Variants in NFIA observed in about 807,000 individuals in gnomAD.
The protein encoded by NFIA is nuclear factor 1 A-type.
A neutral mutation model predicts 62.8 loss-of-function variants in NFIA; 8 were observed. That is an observed-to-expected ratio of 0.13 (90% CI 0.07 to 0.23). The LOEUF is 0.23. NFIA is among the 10% of genes least tolerant of loss of function. The probability of loss-of-function intolerance (pLI) is 1.00; values close to 1 mark genes in which losing one functional copy is unlikely to be tolerated. For synonymous variants in NFIA, 235 were observed against 238.1 expected, an observed-to-expected ratio of 0.99 and a Z score of 0.12; for missense variants, 410 against 642.1, an observed-to-expected ratio of 0.64 and a Z score of 3.91.
intron 4 of NFIA, among the ~76,000 whole-genome samples, chr1:61,350,310 T>G (rs922815149): frequency 2.9e-4 from 44 of 152,114 alleles, no homozygotes; most frequent in Admixed American, 1.0e-3. Context: ...ATCTGCTGAA[T>G]TCAAATTTAT....
intron 2 of NFIA, among the ~76,000 whole-genome samples, chr1:61,228,138 G>C (rs924531613): frequency 4.6e-5 from 7 of 152,122 alleles, no homozygotes; most frequent in African/African-American, 1.7e-4. Flanking sequence ...CACTATTTCT[G>C]AAGGTTTTTT....
At chr1:61,343,712 A>G (rs890465070) in intron 4 of NFIA, among the ~76,000 whole-genome samples, 2 of 152,248 alleles carry the variant, frequency 1.3e-5, no homozygotes, top group African/African-American at 4.8e-5. Flanking sequence ...ACAGGAGATC[A>G]GCACAGGGTT....
At chr1:61,173,663 T>A (rs1650126102) in intron 2 of NFIA, among the ~76,000 whole-genome samples, 2 of 152,170 alleles carry the variant, frequency 1.3e-5, no homozygotes, top group Admixed American at 1.3e-4. Flanking sequence ...GTGCTGGGAT[T>A]ATAGATGTGA....
intron 10 of NFIA, among the ~76,000 whole-genome samples, chr1:61,434,933 G>A (rs1667263154): frequency 6.6e-6 from 1 of 152,172 alleles, no homozygotes. Flanking sequence ...GACAGAAAAT[G>A]ATGTCAGGAA....
chr1:61,121,457 G>T (rs1646885968), intron 2 of NFIA, among the ~76,000 whole-genome samples: 1 of 152,068 alleles, frequency 6.6e-6, no homozygotes, highest in Admixed American at 6.6e-5. Flanking sequence ...AGAGTTATAG[G>T]TTTTAAAAAA....
At chr1:61,154,195 G>A (rs1345158756) in intron 2 of NFIA, among the ~76,000 whole-genome samples, 1 of 151,876 alleles carries the variant, frequency 6.6e-6, no homozygotes, top group Non-Finnish European at 1.5e-5. Context: ...CGTCTCCCAG[G>A]CTTGAGTGCG....
At chr1:61,267,381 C>G (rs1417209132) in intron 2 of NFIA, among the ~76,000 whole-genome samples, 2 of 151,978 alleles carry the variant, frequency 1.3e-5, no homozygotes, top group African/African-American at 2.4e-5. Context: ...GTGGTGGCAG[C>G]ACCTGTAATC....
intron 3 of NFIA, among the ~76,000 whole-genome samples, chr1:61,327,082 T>C (rs1218838661): frequency 6.7e-6 from 1 of 148,370 alleles, no homozygotes; most frequent in Non-Finnish European, 1.5e-5. Context: ...GATATGTATA[T>C]ATCTACTTAT....
intron 2 of NFIA, among the ~76,000 whole-genome samples, chr1:61,103,371 C>T (rs965508681): frequency 6.6e-6 from 1 of 152,208 alleles, no homozygotes; most frequent in Admixed American, 6.5e-5. Context: ...ATCATTTCCT[C>T]AAGGAAGCTT....
At chr1:61,082,098 G>C (rs558907350), upstream of NFIA, 6 of 1,456,648 alleles carry the variant, frequency 4.1e-6, no homozygotes, top group Non-Finnish European at 3.7e-6. Context: ...AGGAAAAGTA[G>C]TTTTGTTTGC....
intron 2 of NFIA, among the ~76,000 whole-genome samples, chr1:61,200,901 T>C (rs529471590): frequency 6.6e-6 from 1 of 152,344 alleles, no homozygotes; most frequent in Non-Finnish European, 1.5e-5. Context: ...GTAGACAAGT[T>C]ATTTACACAT....
At chr1:61,421,963 T>C (rs1470900688) in intron 9 of NFIA, among the ~76,000 whole-genome samples, 1 of 152,200 alleles carries the variant, frequency 6.6e-6, no homozygotes, top group African/African-American at 2.4e-5. Flanking sequence ...TATTTTTATC[T>C]TAAAGAAACA....
intron 9 of NFIA, among the ~76,000 whole-genome samples, chr1:61,415,855 A>G (rs1187425809): frequency 2.6e-5 from 4 of 152,170 alleles, no homozygotes; most frequent in Non-Finnish European, 5.9e-5. Flanking sequence ...ATACATGGCT[A>G]GGGCATATGA....
chr1:61,403,966 A>G, intron 7 of NFIA, 138 bp from the exon 8 acceptor site: 2 of 962,832 alleles, frequency 2.1e-6, no homozygotes, highest in East Asian at 4.9e-5. Context: ...TGTCAGACCT[A>G]TCCAGTGTTA....
chr1:61,230,537 C>A (rs333160), intron 2 of NFIA, among the ~76,000 whole-genome samples: 10,971 of 152,176 alleles, frequency 0.072, 494 homozygotes, highest in East Asian at 0.16. Context: ...CAATTTTAGA[C>A]CTTTATTATT....
intron 6 of NFIA, among the ~76,000 whole-genome samples, chr1:61,377,967 A>C (rs1360052481): frequency 6.6e-6 from 1 of 152,114 alleles, no homozygotes; most frequent in Non-Finnish European, 1.5e-5. Context: ...ATTCCCATTA[A>C]TGTTGTAGCT....
chr1:61,430,406 T>G (rs778135959), intron 10 of NFIA, among the ~76,000 whole-genome samples: 8 of 152,230 alleles, frequency 5.3e-5, no homozygotes, highest in Non-Finnish European at 1.0e-4. Context: ...TGTTAACATT[T>G]CTGTATAAAT....
intron 2 of NFIA, among the ~76,000 whole-genome samples, chr1:61,194,435 C>T (rs567732448): frequency 2.6e-5 from 4 of 152,260 alleles, no homozygotes; most frequent in South Asian, 4.1e-4. Context: ...CATGTCTTTG[C>T]CTTGTATTTT....
chr1:61,378,669 T>A (rs1664265601), intron 6 of NFIA, among the ~76,000 whole-genome samples: 1 of 152,206 alleles, frequency 6.6e-6, no homozygotes, highest in Admixed American at 6.5e-5. Flanking sequence ...CTGAACTAGA[T>A]CTTCTGCTTA....
Sources: gnomAD v4.1 joint callset for allele counts (sites outside exome capture counted in the v4.1 genomes callset) on GRCh38, gnomAD v4.1.1 for gene constraint, MANE v1.5 for transcripts, NCBI Gene and HGNC (gene_info 2026-07-23, HGNC 2026-07-21) for gene names.